CYP26C1: variants seen among roughly 807,000 people sequenced by gnomAD.
CYP26C1 encodes cytochrome P450 26C1.
CYP26C1 carries 41 observed loss-of-function variants against 39.1 expected under a neutral mutation model. The observed-to-expected ratio is 1.05, with a 90% CI of 0.82 to 1.36. The LOEUF (loss-of-function observed/expected upper bound fraction) is 1.36, where lower values mean the gene tolerates loss of function less well. CYP26C1 is among the 40% of genes most tolerant of loss of function. CYP26C1 has a pLI of 0.00. For missense variants in CYP26C1, 833 were observed against 752.0 expected (o/e 1.11, Z -1.26); for synonymous variants, 362 against 350.8 (o/e 1.03, Z -0.36).
chr10:93,065,716 A>G (rs183567913), intron 4 of CYP26C1, among the ~76,000 whole-genome samples: 1 of 152,342 alleles, frequency 6.6e-6, no homozygotes, highest in Admixed American at 6.5e-5. Flanking sequence ...GAACCATCGC[A>G]AGGCGGGTGG....
chr10:93,063,873 C>T lies in CYP26C1; in HGVS notation c.706-508C>T, dbSNP rs548913953. 6.1e-6 allele frequency: 6 copies of T among 985,986 alleles called. No homozygotes were observed. The South Asian group carries it at 1.9e-4, about 31-fold the overall frequency. The allele number at this position is 985,986 out of a possible 1,614,324, so 61.1% of individuals were successfully genotyped here. A position where few individuals can be genotyped will look rare whatever the true frequency, so the allele number is the denominator to read the frequency against. On this transcript the variant is annotated intron_variant, in intron 3 of 5. Coordinates refer to ENST00000651965, the MANE Select transcript of CYP26C1 (RefSeq NM_183374.3). ...TGCTTTCCCCGGGGGAATGCTTTTG[C>T]TGCGGCTATTCCCTGAACTCTGGAG... is the stretch of plus-strand genomic sequence containing the variant.
rs1221999661 is a variant in CYP26C1, at chr10:93,062,845, C to T, written c.555C>T (p.Ser185=). 6.3e-7 allele frequency: 1 copy of T among 1,595,340 alleles called. No homozygotes were observed. The highest frequency in any genetic ancestry group is 2.2e-5 in the East Asian group (1 of 44,638). ...GGCCGGTCTCAGTCTACGACGCCTC[C>T]AAAGCGCTCACCTTCCGCATGGCCG... ...AGGPVSVYDA[S]KALTFRMAAR... is the part of the protein sequence containing the mutation. The change falls in exon 3 of 6, where the codon TCC becomes TCT. Residue 185 remains serine, a synonymous_variant. Transcript: ENST00000651965.
chr10:93,066,112 G>A lies in CYP26C1; in HGVS notation c.1018G>A (p.Gly340Arg). 7.6e-7 allele frequency: 1 copy of A among 1,315,792 alleles called. No homozygotes were observed. The highest frequency in any genetic ancestry group is 9.6e-7 in the Non-Finnish European group (1 of 1,039,496). The allele number at this position is 1,315,792 out of a possible 1,614,324, so 81.5% of individuals were successfully genotyped here. A position where few individuals can be genotyped will look rare whatever the true frequency, so the allele number is the denominator to read the frequency against. Residue 340 changes from glycine (G) to arginine (R), a missense_variant, in exon 5 of 6, where the codon GGG becomes AGG. Physicochemically the swap from Gly to Arg is moderately radical, Grantham distance 125. Transcript: ENST00000651965. ...GLGRACGCAP[G>R]AAGGSEGPPP... is the part of the protein sequence containing the mutation. ...GGGGCGCGCGTGCGGCTGCGCGCCC[G>A]GGGCCGCTGGGGGCAGCGAGGGGCC... is the stretch of plus-strand genomic sequence containing the variant.
chr10:93,068,510 G>T lies in CYP26C1; in HGVS notation c.1382G>T (p.Gly461Val). 6.2e-7 allele frequency: 1 copy of T among 1,605,424 alleles called. No homozygotes were observed. Among genetic ancestry groups the T allele is most frequent in the Non-Finnish European group, 8.5e-7 (1 of 1,176,506 alleles). Residue 461 changes from glycine to valine, a missense_variant, in exon 6 of 6, where the codon GGC (glycine) becomes GTC (valine). Coordinates refer to ENST00000651965, the MANE Select transcript of CYP26C1 (RefSeq NM_183374.3). ...GGCGGCGGTGCGCGCAGCTGCCTCG[G>T]CCAGGAGCTGGCGCAAGCCGTGCTC... ...PFGGGARSCL[G>V]QELAQAVLQL...
In CYP26C1 at chr10:93,066,118, G is replaced by A. The variant is rs1478689286; in HGVS notation, c.1024G>A (p.Ala342Thr). 5.3e-6 allele frequency: 7 copies of A among 1,324,678 alleles called. No homozygotes were observed. The highest frequency in any genetic ancestry group is 6.2e-5 in the East Asian group (2 of 32,486). 82.1% of individuals were successfully genotyped at this position (1,324,678 alleles called of 1,614,324 possible). A position where few individuals can be genotyped will look rare whatever the true frequency, so the allele number is the denominator to read the frequency against. Residue 342 changes from alanine to threonine, a missense_variant, in exon 5 of 6, where the codon GCT becomes ACT. By Grantham distance (58) the Ala-to-Thr change is moderately conservative. Coordinates refer to ENST00000651965, the MANE Select transcript of CYP26C1 (RefSeq NM_183374.3). Reference protein sequence around the residue: ...GRACGCAPGAAGGSEGPPPDC... With the variant: ...GRACGCAPGATGGSEGPPPDC... ...CGCGTGCGGCTGCGCGCCCGGGGCC[G>A]CTGGGGGCAGCGAGGGGCCCCCGCC... is the stretch of plus-strand genomic sequence containing the variant.
rs534350291 is a variant in CYP26C1, at chr10:93,062,837, G to T, written c.547G>T (p.Asp183Tyr). Residue 183 changes from aspartate to tyrosine, a missense_variant, in exon 3 of 6, where the codon GAC (aspartate) becomes TAC (tyrosine). By Grantham distance (160) the Asp-to-Tyr change is radical. Coordinates refer to ENST00000651965, the MANE Select transcript of CYP26C1 (RefSeq NM_183374.3). ...CAAGGPVSVY[D>Y]ASKALTFRMA... ...GGCGGGCGGGCCGGTCTCAGTCTAC[G>T]ACGCCTCCAAAGCGCTCACCTTCCG... is the stretch of plus-strand genomic sequence containing the variant. 6 of 1,588,116 alleles carry T rather than the reference G, an allele frequency of 3.8e-6. No individual in the cohort carries two copies. Among genetic ancestry groups the T allele is most frequent in the African/African-American group, 2.7e-5 (2 of 74,502 alleles).
chr10:93,061,272 T>C lies in CYP26C1; in HGVS notation c.9T>C (p.Pro3=), dbSNP rs769337261. 3.9e-5 allele frequency: 61 copies of C among 1,582,406 alleles called. No homozygotes were observed. The highest frequency in any genetic ancestry group is 3.6e-5 in the Admixed American group (2 of 55,876). Residue 3 remains proline (P), a synonymous_variant, in exon 1 of 6, where the codon CCT becomes CCC. Transcript: ENST00000651965. MF[P]WGLSCLSVLG... ...GCCCCCGCGGGCTCATCATGTTCCC[T>C]TGGGGGCTGAGCTGCCTGTCAGTGC...
At chr10:93,063,992 AC>A in intron 3 of CYP26C1, 1 of 1,014,758 alleles carries the variant, frequency 9.9e-7, no homozygotes, top group Non-Finnish European at 1.2e-6. Flanking sequence ...GCATCAAGGT[AC>A]CCCAGCCTGA....
chr10:93,065,923 C>T (rs780687300), intron 4 of CYP26C1, 33 bp from the exon 5 acceptor site: 4 of 1,514,100 alleles, frequency 2.6e-6, no homozygotes, highest in Admixed American at 2.2e-5. Flanking sequence ...CTCCACCGCC[C>T]GAGACTCAGT....
Position 93,062,807 on chromosome 10 carries a change from T to C in CYP26C1, c.517T>C (p.Cys173Arg). 1 of 1,553,084 alleles carries C rather than the reference T, an allele frequency of 6.4e-7. No individual in the cohort carries two copies. Among genetic ancestry groups the C allele is most frequent in the Non-Finnish European group, 8.6e-7 (1 of 1,156,084 alleles). ...GCTGCGGCATGAGGTGCGCTCCTGG[T>C]GCGCGGCGGGCGGGCCGGTCTCAGT... The part of the protein sequence containing the change: ...GALRHEVRSW[C>R]AAGGPVSVYD... Residue 173 changes from cysteine (C) to arginine (R), a missense_variant, in exon 3 of 6, where the codon TGC becomes CGC. Coordinates refer to ENST00000651965, the MANE Select transcript of CYP26C1 (RefSeq NM_183374.3).
rs1477053223 is a variant in CYP26C1, at chr10:93,064,421, G to T, written c.746G>T (p.Gly249Val). ...ARDQLHRHLE[G>V]AISEKLHEDK... ...GACCAGCTGCATCGGCACCTGGAGGGGGCCATTTCTGAGAAGCTTCACGAG... is the reference window on the plus strand; with the variant it reads ...GACCAGCTGCATCGGCACCTGGAGGTGGCCATTTCTGAGAAGCTTCACGAG... The change falls in exon 4 of 6, where the codon GGG (glycine) becomes GTG (valine). Residue 249 changes from glycine (G) to valine (V), a missense_variant. By Grantham distance (109) the Gly-to-Val change is moderately radical. Transcript: ENST00000651965. 46 of 1,613,998 alleles carry T rather than the reference G, an allele frequency of 2.9e-5. No homozygotes were observed. In the Admixed American group the frequency reaches 7.5e-4, roughly 26 times the overall value.
At chr10:93,061,949 T>A in intron 1 of CYP26C1, 61 bp from the exon 2 acceptor site, 1 of 1,503,290 alleles carries the variant, frequency 6.7e-7, no homozygotes, top group Non-Finnish European at 9.0e-7. Flanking sequence ...CTGGAAGGTC[T>A]GGGTCAGATC....
chr10:93,066,355 TGCCGCG>T, intron 5 of CYP26C1, 70 bp downstream of exon 5: 1 of 679,044 alleles, frequency 1.5e-6, no homozygotes, highest in Non-Finnish European at 2.0e-6. Flanking sequence ...GCCTGCCGCC[TGCCGCG>T]GCGGCGCCCA....
At chr10:93,063,142 T>C (rs1322176769) in intron 3 of CYP26C1, 147 bp downstream of exon 3, 17 of 1,399,136 alleles carry the variant, frequency 1.2e-5, no homozygotes, top group Non-Finnish European at 6.5e-6. Flanking sequence ...GGAGGCGTTG[T>C]GGCGGTGGCG....
chr10:93,064,361 C>A lies in CYP26C1; in HGVS notation c.706-20C>A. 6.2e-7 allele frequency: 1 copy of A among 1,606,792 alleles called. No individual in the cohort carries two copies. Among genetic ancestry groups the A allele is most frequent in the African/African-American group, 1.3e-5 (1 of 74,930 alleles). ...CCCTTAGCCTTCCTGCCCCATCTTT[C>A]TTCTCTCCCTGAACATCAGGGCATC... On this transcript the variant is annotated intron_variant, in intron 3 of 5. Coordinates refer to ENST00000651965, the MANE Select transcript of CYP26C1 (RefSeq NM_183374.3).
intron 5 of CYP26C1, among the ~76,000 whole-genome samples, chr10:93,067,434 T>C (rs1846842503): frequency 6.6e-6 from 1 of 152,202 alleles, no homozygotes; most frequent in East Asian, 1.9e-4. Context: ...GCAAGCTTCA[T>C]TCTGCAGGCG....
chr10:93,063,140 T>TGTGGCGGTGGC (rs997995784), intron 3 of CYP26C1, 145 bp downstream of exon 3: 1 of 1,401,898 alleles, frequency 7.1e-7, no homozygotes, highest in Non-Finnish European at 9.2e-7. Context: ...TGGGAGGCGT[T>TGTGGCGGTGGC]GTGGCGGTGG....
At chr10:93,061,950 G>A in intron 1 of CYP26C1, 60 bp from the exon 2 acceptor site, 3 of 1,504,310 alleles carry the variant, frequency 2.0e-6, no homozygotes, top group Non-Finnish European at 2.7e-6. Flanking sequence ...TGGAAGGTCT[G>A]GGTCAGATCC....
chr10:93,066,041 C>T lies in CYP26C1; in HGVS notation c.947C>T (p.Pro316Leu). The T allele has an allele frequency of 2.6e-6, 4 of 1,536,274 alleles. No individual in the cohort carries two copies. Among genetic ancestry groups the T allele is most frequent in the Non-Finnish European group, 8.7e-7 (1 of 1,145,614 alleles). The change falls in exon 5 of 6, where the codon CCG becomes CTG. Residue 316 changes from proline to leucine, a missense_variant. Transcript: ENST00000651965. ...TSLVLLLLQH[P>L]AAIAKIREEL... ...CTCGTCCTGCTGCTACTGCAGCATC[C>T]GGCGGCCATCGCCAAGATTCGGGAG...
Sources: allele counts gnomAD v4.1 joint callset (sites outside exome capture counted in the v4.1 genomes callset), GRCh38; gene constraint gnomAD v4.1.1; transcripts MANE v1.5; gene names NCBI Gene and HGNC (gene_info 2026-07-23, HGNC 2026-07-21).